Variants in CSMD1 observed in about 807,000 individuals in gnomAD.
CSMD1 encodes CUB and Sushi multiple domains 1.
CSMD1 carries 213 observed loss-of-function variants against 417.5 expected under a neutral mutation model. The ratio of observed to expected loss-of-function variants is 0.51; its 90% CI spans 0.46 to 0.57. The LOEUF is 0.57. Among genes scored for constraint, CSMD1 ranks in the 20% least tolerant of loss-of-function variants. The pLI is 0.00. For synonymous variants in CSMD1, 2,862 were observed against 1,736.8 expected (o/e 1.65, Z -16.11); for missense variants, 6,923 against 4,529.7 (o/e 1.53, Z -15.17).
At chr8:4,301,674 G>C (rs542329934) in intron 3 of CSMD1, among the ~76,000 whole-genome samples, 2 of 152,180 alleles carry the variant, frequency 1.3e-5, no homozygotes, top group Non-Finnish European at 2.9e-5. Context: ...TTCAATTAGG[G>C]CATGGACCAG....
intron 38 of CSMD1, among the ~76,000 whole-genome samples, chr8:3,161,628 A>G (rs1585518771): frequency 1.3e-5 from 2 of 151,622 alleles, no homozygotes; most frequent in African/African-American, 4.8e-5. Context: ...CTCTCAGAAA[A>G]AAAAAAAAAA....
At chr8:3,687,484 C>A (rs940782105) in intron 7 of CSMD1, among the ~76,000 whole-genome samples, 5 of 152,204 alleles carry the variant, frequency 3.3e-5, no homozygotes, top group African/African-American at 1.2e-4. Flanking sequence ...ACAGTAAGAT[C>A]TATTTACAAA....
At position 4,672,607 on chromosome 8, in the gene CSMD1, C is replaced by T. The variant is rs543967116; in HGVS notation, c.86-35049G>A. ...TCCCTACTGTAAATAAAATGTGCTA[C>T]GTATGCAGAAAAATTAAAAAGAATA... is the stretch of plus-strand genomic sequence containing the variant. On this transcript the variant is annotated intron_variant, in intron 1 of 69. Coordinates refer to ENST00000635120, the MANE Select transcript of CSMD1 (RefSeq NM_033225.6). Among the ~76,000 whole-genome samples, 8 of 152,134 alleles carry T rather than the reference C, an allele frequency of 5.3e-5. No homozygotes were observed. In the East Asian group the frequency reaches 5.8e-4, roughly 11 times the overall value.
chr8:3,435,763 G>C (rs923213001), intron 12 of CSMD1, among the ~76,000 whole-genome samples: 4 of 152,138 alleles, frequency 2.6e-5, no homozygotes, highest in African/African-American at 9.7e-5. Context: ...AACAATGTGT[G>C]TCAGGTCAGG....
At chr8:4,150,152 G>C (rs1402406505) in intron 3 of CSMD1, among the ~76,000 whole-genome samples, 1 of 152,132 alleles carries the variant, frequency 6.6e-6, no homozygotes, top group Non-Finnish European at 1.5e-5. Context: ...GTGATATCTT[G>C]AGGATAGACA....
intron 3 of CSMD1, among the ~76,000 whole-genome samples, chr8:4,036,086 C>T (rs965858372): frequency 6.6e-6 from 1 of 152,174 alleles, no homozygotes; most frequent in Non-Finnish European, 1.5e-5. Flanking sequence ...CAGCCACATG[C>T]TGTACAGGTT....
intron 20 of CSMD1, among the ~76,000 whole-genome samples, chr8:3,361,407 T>A (rs1017982183): frequency 6.6e-6 from 1 of 151,742 alleles, no homozygotes; most frequent in African/African-American, 2.4e-5. Context: ...GGCGGGTGGA[T>A]CATGAGGTCA....
chr8:3,206,950 A>C (rs575576061), intron 30 of CSMD1, among the ~76,000 whole-genome samples: 7 of 152,112 alleles, frequency 4.6e-5, no homozygotes, highest in African/African-American at 1.7e-4. Context: ...TCTGTTTAAC[A>C]TAGGGCAATG....
At chr8:4,564,450 C>G (rs1386985038) in intron 2 of CSMD1, among the ~76,000 whole-genome samples, 1 of 152,130 alleles carries the variant, frequency 6.6e-6, no homozygotes, top group Non-Finnish European at 1.5e-5. Context: ...GATCTAGTGT[C>G]TGGTGAGGGG....
chr8:3,833,185 G>C (rs1268707502), intron 5 of CSMD1, among the ~76,000 whole-genome samples: 9 of 151,972 alleles, frequency 5.9e-5, no homozygotes, highest in Non-Finnish European at 8.8e-5. Context: ...ACTTTAATTT[G>C]TCCAAAGAAT....
chr8:3,636,009 T>C (rs554550118), intron 7 of CSMD1, among the ~76,000 whole-genome samples: 27 of 152,284 alleles, frequency 1.8e-4, no homozygotes, highest in Non-Finnish European at 7.4e-5. Flanking sequence ...CACAAACACA[T>C]TGAACAGCTG....
intron 40 of CSMD1, among the ~76,000 whole-genome samples, chr8:3,143,451 C>G (rs900387215): frequency 6.6e-6 from 1 of 152,148 alleles, no homozygotes; most frequent in Non-Finnish European, 1.5e-5. Flanking sequence ...ATATCATACT[C>G]ATCTGTGAAT....
intron 7 of CSMD1, among the ~76,000 whole-genome samples, chr8:3,635,391 T>C (rs1185828970): frequency 6.6e-6 from 1 of 151,840 alleles, no homozygotes; most frequent in Non-Finnish European, 1.5e-5. Flanking sequence ...GGAGAATCAC[T>C]TGAACCCGGT....
At chr8:3,829,850 T>A (rs1460378651) in intron 5 of CSMD1, among the ~76,000 whole-genome samples, 2 of 152,180 alleles carry the variant, frequency 1.3e-5, no homozygotes, top group Admixed American at 6.5e-5. Flanking sequence ...TCTTTTTGAA[T>A]ATTAATCCGC....
chr8:4,296,353 T>C lies in CSMD1; in HGVS notation c.415+123600A>G, dbSNP rs78058808. ...TCAGGGATTATGCACTATAAACTCA[T>C]GTATATTTCAGGACCACATCCATTA... On this transcript the variant is annotated intron_variant, in intron 3 of 69. Coordinates refer to ENST00000635120, the MANE Select transcript of CSMD1 (RefSeq NM_033225.6). Among the ~76,000 whole-genome samples the C allele has an allele frequency of 4.7e-4, 71 of 152,294 alleles. No individual in the cohort carries two copies. The East Asian group carries it at 0.012, about 25-fold the overall frequency.
chr8:3,574,874 G>A (rs1800083156), intron 10 of CSMD1, 71 bp downstream of exon 10: 5 of 1,521,360 alleles, frequency 3.3e-6, no homozygotes, highest in East Asian at 4.6e-5. Flanking sequence ...TTGCTGGGCT[G>A]TTTGCTTCAA....
chr8:3,145,047 G>T (rs1241591668), intron 40 of CSMD1, among the ~76,000 whole-genome samples: 2 of 151,946 alleles, frequency 1.3e-5, no homozygotes, highest in Non-Finnish European at 2.9e-5. Flanking sequence ...AAAGAGTTGT[G>T]TGTGTGTGTG....
intron 26 of CSMD1, among the ~76,000 whole-genome samples, chr8:3,252,254 G>C (rs150264051): frequency 6.6e-6 from 1 of 152,260 alleles, no homozygotes; most frequent in African/African-American, 2.4e-5. Context: ...CTGATTTATT[G>C]AGAGTTTTTA....
intron 5 of CSMD1, among the ~76,000 whole-genome samples, chr8:3,961,916 C>T (rs888036927): frequency 4.6e-5 from 7 of 152,272 alleles, no homozygotes; most frequent in Non-Finnish European, 8.8e-5. Context: ...TGCTCAAAAA[C>T]GAATGGGCTT....
Sources: allele counts gnomAD v4.1 joint callset (sites outside exome capture counted in the v4.1 genomes callset), GRCh38; gene constraint gnomAD v4.1.1; transcripts MANE v1.5; gene names NCBI Gene and HGNC (gene_info 2026-07-23, HGNC 2026-07-21).